Variants in KCNMA1 observed in about 807,000 individuals in gnomAD.
KCNMA1 encodes the protein potassium calcium-activated channel subfamily M alpha 1.
KCNMA1 carries 29 observed loss-of-function variants against 140.0 expected under a neutral mutation model. The observed-to-expected ratio is 0.21, with a 90% CI of 0.15 to 0.28. KCNMA1 has a LOEUF of 0.28. KCNMA1 is among the 10% of genes least tolerant of loss of function. KCNMA1 has a pLI of 1.00. For missense variants in KCNMA1, 880 were observed against 1,602.2 expected (o/e 0.55, Z 7.70); for synonymous variants, 612 against 611.9 (o/e 1.00, Z 0.00).
intron 1 of KCNMA1, among the ~76,000 whole-genome samples, chr10:77,463,901 T>G (rs1275422120): frequency 6.6e-6 from 1 of 152,160 alleles, no homozygotes; most frequent in Non-Finnish European, 1.5e-5. Context: ...TAGATTGGGC[T>G]GCAAAGACCC....
At chr10:77,636,155 C>T in intron 1 of KCNMA1, 1 of 1,376,678 alleles carries the variant, frequency 7.3e-7, no homozygotes, top group Non-Finnish European at 9.5e-7. Context: ...GTGAAGTCCC[C>T]TAGGATGGGA....
chr10:77,490,139 G>A (rs2098514195), intron 1 of KCNMA1, among the ~76,000 whole-genome samples: 2 of 152,196 alleles, frequency 1.3e-5, no homozygotes, highest in Admixed American at 1.3e-4. Flanking sequence ...GCCTGGTTGA[G>A]AACCACGGGG....
intron 2 of KCNMA1, among the ~76,000 whole-genome samples, chr10:77,282,474 G>A (rs1224692067): frequency 4.6e-5 from 7 of 152,078 alleles, no homozygotes; most frequent in Non-Finnish European, 8.8e-5. Flanking sequence ...CATTCTTCTC[G>A]GAAGCCTTTG....
chr10:77,090,297 C>T, intron 10 of KCNMA1, 103 bp downstream of exon 10: 2 of 845,302 alleles, frequency 2.4e-6, no homozygotes, highest in African/African-American at 1.7e-5. Flanking sequence ...TGGCCCCATC[C>T]CCAGTGCCAT....
chr10:76,949,791 T>C (rs1473611864), intron 21 of KCNMA1, among the ~76,000 whole-genome samples: 1 of 152,164 alleles, frequency 6.6e-6, no homozygotes, highest in African/African-American at 2.4e-5. Context: ...GCTGAGATGA[T>C]GATAAAATGG....
intron 25 of KCNMA1, among the ~76,000 whole-genome samples, chr10:76,909,673 C>T (rs1388876953): frequency 1.3e-5 from 2 of 152,148 alleles, no homozygotes; most frequent in African/African-American, 4.8e-5. Flanking sequence ...CAAATTTTAG[C>T]ATAAAATGTA....
At chr10:77,625,169 G>A (rs577419173) in intron 1 of KCNMA1, among the ~76,000 whole-genome samples, 5 of 152,124 alleles carry the variant, frequency 3.3e-5, no homozygotes, top group South Asian at 2.1e-4. Flanking sequence ...TGAGGCGGGC[G>A]GATCACGAGA....
chr10:76,935,807 G>T (rs2060406214), intron 23 of KCNMA1, among the ~76,000 whole-genome samples: 1 of 152,210 alleles, frequency 6.6e-6, no homozygotes, highest in Non-Finnish European at 1.5e-5. Context: ...CACAGCCTGA[G>T]TGGGGACATG....
intron 3 of KCNMA1, among the ~76,000 whole-genome samples, chr10:77,239,896 C>T (rs1565430740): frequency 2.0e-5 from 3 of 152,166 alleles, no homozygotes; most frequent in African/African-American, 7.2e-5. Flanking sequence ...AAAACTAAAG[C>T]CAGGATTTAT....
Position 77,554,681 on chromosome 10 carries a change from G to A in KCNMA1, c.378+82584C>T, listed in dbSNP as rs560267924. ...AACACTTTTGAAATTTGGAAATGAG[G>A]AAGACTAAGGAAGAGTCCAAAAGAA... On this transcript the variant is annotated intron_variant, in intron 1 of 27. Coordinates refer to ENST00000286628, the MANE Select transcript of KCNMA1 (RefSeq NM_001161352.2). Among the ~76,000 whole-genome samples the A allele has an allele frequency of 4.0e-5, 6 of 151,690 alleles. 1 individual carries two copies. In the South Asian group the frequency reaches 1.2e-3, roughly 32 times the overall value.
At chr10:77,044,302 A>C (rs1176161617) in intron 14 of KCNMA1, among the ~76,000 whole-genome samples, 2 of 152,152 alleles carry the variant, frequency 1.3e-5, no homozygotes, top group African/African-American at 4.8e-5. Flanking sequence ...TTGGAAAAGC[A>C]AAAACAAAAG....
At chr10:77,148,623 T>C (rs553185588) in intron 5 of KCNMA1, among the ~76,000 whole-genome samples, 2 of 152,318 alleles carry the variant, frequency 1.3e-5, no homozygotes, top group Middle Eastern at 6.8e-3. Flanking sequence ...ATAATCTAAA[T>C]CAGGGGTTGC....
intron 14 of KCNMA1, among the ~76,000 whole-genome samples, chr10:77,048,494 T>C (rs2095213191): frequency 6.6e-6 from 1 of 152,130 alleles, no homozygotes; most frequent in African/African-American, 2.4e-5. Context: ...CAAAGGAGAA[T>C]GGGGAGGGGA....
chr10:77,228,308 TA>T (rs2052290607), intron 3 of KCNMA1, among the ~76,000 whole-genome samples: 1 of 152,060 alleles, frequency 6.6e-6, no homozygotes, highest in African/African-American at 2.4e-5. Flanking sequence ...AGAGATGAAT[TA>T]GGGGGTAAGC....
chr10:77,291,141 C>A (rs765481594), intron 2 of KCNMA1, among the ~76,000 whole-genome samples: 1 of 152,174 alleles, frequency 6.6e-6, no homozygotes, highest in Non-Finnish European at 1.5e-5. Flanking sequence ...GTACCAGCCT[C>A]CAAGGGTTTC....
chr10:77,257,136 T>C (rs765877278), intron 2 of KCNMA1, among the ~76,000 whole-genome samples: 1 of 152,122 alleles, frequency 6.6e-6, no homozygotes, highest in African/African-American at 2.4e-5. Context: ...AAAAAATAGA[T>C]GTGAGAACTC....
intron 23 of KCNMA1, among the ~76,000 whole-genome samples, chr10:76,934,629 G>A (rs1387688319): frequency 1.3e-5 from 2 of 152,194 alleles, no homozygotes; most frequent in Admixed American, 6.5e-5. Flanking sequence ...AGACTATGGA[G>A]ACAACAGGGG....
At chr10:77,298,302 G>A (rs993394434) in intron 2 of KCNMA1, among the ~76,000 whole-genome samples, 2 of 152,142 alleles carry the variant, frequency 1.3e-5, no homozygotes, top group Non-Finnish European at 2.9e-5. Flanking sequence ...GAGTGCAGTG[G>A]TGTGATCTCG....
intron 27 of KCNMA1, 106 bp from the exon 28 acceptor site, chr10:76,887,621 A>C: frequency 2.3e-6 from 3 of 1,278,992 alleles, no homozygotes; most frequent in Non-Finnish European, 3.4e-6. Flanking sequence ...CTTTCAGAGG[A>C]TCTGGAAGAT....
Sources: allele counts gnomAD v4.1 joint callset (sites outside exome capture counted in the v4.1 genomes callset), GRCh38; gene constraint gnomAD v4.1.1; transcripts MANE v1.5; gene names NCBI Gene and HGNC (gene_info 2026-07-23, HGNC 2026-07-21).